Variants in DOCK3 observed in about 807,000 individuals in gnomAD.
The protein encoded by DOCK3 is dedicator of cytokinesis 3.
DOCK3 carries 60 observed loss-of-function variants against 265.6 expected under a neutral mutation model. That is an observed-to-expected ratio of 0.23 (90% CI 0.18 to 0.28). The LOEUF (loss-of-function observed/expected upper bound fraction) is 0.28. Ranked by LOEUF, DOCK3 falls within the 10% of genes least tolerant of loss-of-function variation. The pLI is 1.00. For synonymous variants in DOCK3, 881 were observed against 938.0 expected, an observed-to-expected ratio of 0.94 and a Z score of 1.11; for missense variants, 1,981 against 2,594.3, an observed-to-expected ratio of 0.76 and a Z score of 5.14.
At chr3:50,686,775 G>A (rs767435634) in intron 1 of DOCK3, among the ~76,000 whole-genome samples, 1 of 151,624 alleles carries the variant, frequency 6.6e-6, no homozygotes, top group Non-Finnish European at 1.5e-5. Flanking sequence ...TGGGCGTGGT[G>A]GCACGCACCT....
chr3:50,885,077 C>T (rs1365095883), intron 3 of DOCK3, among the ~76,000 whole-genome samples: 1 of 152,154 alleles, frequency 6.6e-6, no homozygotes, highest in Non-Finnish European at 1.5e-5. Flanking sequence ...ACCTTGGCAA[C>T]AACTGTGTTT....
intron 14 of DOCK3, among the ~76,000 whole-genome samples, chr3:51,221,153 C>T (rs999462533): frequency 6.6e-6 from 1 of 152,166 alleles, no homozygotes; most frequent in Non-Finnish European, 1.5e-5. Flanking sequence ...GGCTGAACAG[C>T]ACTGTTTACT....
rs146109696 is a variant in DOCK3, at chr3:50,680,586, G to A, written c.37+5286G>A. On this transcript the variant is annotated intron_variant, in intron 1 of 52. Coordinates refer to ENST00000266037, the MANE Select transcript of DOCK3 (RefSeq NM_004947.5). ...CAGGCTTGTGTGCTATGGCATGATC[G>A]TAGCTCATGGTAACCTTGAACTCCT... Among the ~76,000 whole-genome samples the A allele has an allele frequency of 3.7e-4, 52 of 141,334 alleles. 1 individual carries two copies. Among genetic ancestry groups the A allele is most frequent in the African/African-American group, 7.7e-4 (29 of 37,546 alleles). 92.7% of individuals were successfully genotyped at this position (141,334 alleles called of 152,430 possible).
rs571765274 is a variant in DOCK3, at chr3:51,297,279, G to A, written c.2923-12953G>A. Among the ~76,000 whole-genome samples, 3 of 152,162 alleles carry A rather than the reference G, an allele frequency of 2.0e-5. 1 individual carries two copies. The South Asian group carries it at 6.2e-4, about 32-fold the overall frequency. On this transcript the variant is annotated intron_variant, in intron 27 of 52. Coordinates refer to ENST00000266037, the MANE Select transcript of DOCK3 (RefSeq NM_004947.5). ...AATGTAGTATATCTTGTTGTGTTAA[G>A]CAGTAGTTTCGTAGATATAACACCA... is the stretch of plus-strand genomic sequence containing the variant.
chr3:51,347,059 A>AT (rs2085632262), intron 38 of DOCK3, among the ~76,000 whole-genome samples: 1 of 152,128 alleles, frequency 6.6e-6, no homozygotes, highest in African/African-American at 2.4e-5. Context: ...AGATGGGTAG[A>AT]TTGTAAAAAT....
In DOCK3 at chr3:50,787,029, A is replaced by T. The variant is rs902549648; in HGVS notation, c.121+8271A>T. 31 of 740,724 alleles carry T rather than the reference A, an allele frequency of 4.2e-5. No individual in the cohort carries two copies. The African/African-American group carries it at 4.8e-4, about 11-fold the overall frequency. The allele number at this position is 740,724 out of a possible 1,614,324, so 45.9% of individuals were successfully genotyped here. A position where few individuals can be genotyped will look rare whatever the true frequency, so the allele number is the denominator to read the frequency against. Reference sequence around the variant, plus strand: ...TAGAATTTTTTCTCACAAATTTCACAGGAAAATTTCTTTTCTTCATATCCA... The same window carrying T: ...TAGAATTTTTTCTCACAAATTTCACTGGAAAATTTCTTTTCTTCATATCCA... On this transcript the variant is annotated intron_variant, in intron 2 of 52. Transcript: ENST00000266037.
chr3:51,261,128 A>C (rs2079826366), intron 23 of DOCK3, among the ~76,000 whole-genome samples: 1 of 152,224 alleles, frequency 6.6e-6, no homozygotes, highest in South Asian at 2.1e-4. Context: ...GGCTGGCAAG[A>C]TGGCCAAATA....
chr3:51,195,960 A>G (rs2088270245), intron 12 of DOCK3, among the ~76,000 whole-genome samples: 1 of 151,028 alleles, frequency 6.6e-6, no homozygotes, highest in Non-Finnish European at 1.5e-5. Context: ...TTTTGAAACA[A>G]GGTCTCACTC....
At chr3:51,194,964 A>G (rs975339059) in intron 12 of DOCK3, among the ~76,000 whole-genome samples, 4 of 151,672 alleles carry the variant, frequency 2.6e-5, no homozygotes, top group Non-Finnish European at 4.4e-5. Flanking sequence ...AGCTGGGACT[A>G]CAGGCATGTG....
At chr3:51,071,994 C>T (rs1191425474) in intron 6 of DOCK3, among the ~76,000 whole-genome samples, 1 of 152,118 alleles carries the variant, frequency 6.6e-6, no homozygotes, top group African/African-American at 2.4e-5. Context: ...TACCAGATCA[C>T]CCATTAATTA....
At chr3:51,266,828 G>A (rs1323513239) in intron 23 of DOCK3, among the ~76,000 whole-genome samples, 1 of 152,130 alleles carries the variant, frequency 6.6e-6, no homozygotes, top group Non-Finnish European at 1.5e-5. Flanking sequence ...TTGACAAATG[G>A]AATCTGATTA....
At position 51,357,712 on chromosome 3, in the gene DOCK3, A is replaced by G. The variant is rs781628698; in HGVS notation, c.4684-46A>G. On this transcript the variant is annotated intron_variant, in intron 44 of 52. Coordinates refer to ENST00000266037, the MANE Select transcript of DOCK3 (RefSeq NM_004947.5). ...CAAGTCTCCTGGGCCCCACTTAAGT[A>G]GTAGTCCTGGGAAGAGTCTTCCTGA... 3.1e-6 allele frequency: 5 copies of G among 1,602,100 alleles called. No homozygotes were observed. The East Asian group carries it at 1.1e-4, about 36-fold the overall frequency.
intron 5 of DOCK3, among the ~76,000 whole-genome samples, chr3:51,035,368 C>T (rs1179681702): frequency 6.6e-6 from 1 of 152,084 alleles, no homozygotes; most frequent in Non-Finnish European, 1.5e-5. Flanking sequence ...CCATTAAGCT[C>T]ATGCAGTGAT....
At chr3:50,945,622 G>A (rs1372635365) in intron 5 of DOCK3, among the ~76,000 whole-genome samples, 2 of 152,066 alleles carry the variant, frequency 1.3e-5, no homozygotes, top group Non-Finnish European at 2.9e-5. Flanking sequence ...AATGGAAGAT[G>A]GCATAGCACG....
chr3:50,799,953 TGTTA>T (rs1373513180), intron 2 of DOCK3, among the ~76,000 whole-genome samples: 1 of 152,178 alleles, frequency 6.6e-6, no homozygotes, highest in African/African-American at 2.4e-5. Flanking sequence ...TCTACTGAGG[TGTTA>T]CGGTTTTTGT....
intron 50 of DOCK3, 141 bp from the exon 51 acceptor site, chr3:51,375,601 CTCAGTA>C (rs1463820796): frequency 1.2e-6 from 1 of 843,254 alleles, no homozygotes; most frequent in Non-Finnish European, 1.9e-6. Flanking sequence ...GCCTGGGGGT[CTCAGTA>C]TATCTCAAGT....
In DOCK3 at chr3:51,339,045, G is replaced by A; in HGVS notation, c.3766+17G>A. 6.4e-7 allele frequency: 1 copy of A among 1,564,138 alleles called. No individual in the cohort carries two copies. The highest frequency in any genetic ancestry group is 8.7e-7 in the Non-Finnish European group (1 of 1,155,550). On this transcript the variant is annotated intron_variant, in intron 37 of 52. Coordinates refer to ENST00000266037, the MANE Select transcript of DOCK3 (RefSeq NM_004947.5). ...ACTACACAGGTAAGTGGGGAGAAGA[G>A]AGAGCCATGCCTGACCATGAGGACA...
At chr3:51,128,848 C>G (rs2084384311) in intron 9 of DOCK3, among the ~76,000 whole-genome samples, 1 of 152,198 alleles carries the variant, frequency 6.6e-6, no homozygotes, top group African/African-American at 2.4e-5. Context: ...TCCCTGCCAC[C>G]ATGGCCACCT....
chr3:51,375,372 C>T (rs2088023998), intron 50 of DOCK3, among the ~76,000 whole-genome samples: 1 of 152,304 alleles, frequency 6.6e-6, no homozygotes, highest in Non-Finnish European at 1.5e-5. Context: ...CTGTGCAGGG[C>T]CTCTCCAGGA....
Sources: allele counts gnomAD v4.1 joint callset (sites outside exome capture counted in the v4.1 genomes callset), GRCh38; gene constraint gnomAD v4.1.1; transcripts MANE v1.5; gene names NCBI Gene and HGNC (gene_info 2026-07-23, HGNC 2026-07-21).